Variants in WIPI1 observed in about 807,000 individuals in gnomAD.
WIPI1 encodes WD repeat domain, phosphoinositide interacting 1.
In WIPI1, 45 loss-of-function variants were observed where a neutral mutation model predicts 55.3. The ratio of observed to expected loss-of-function variants is 0.81; its 90% CI spans 0.64 to 1.04. The LOEUF (loss-of-function observed/expected upper bound fraction) is 1.04, where lower values mean the gene tolerates loss of function less well. Among genes scored for constraint, WIPI1 ranks in the 50% least tolerant of loss-of-function variants. The pLI, the probability that WIPI1 is intolerant of heterozygous loss-of-function variation, is 0.00. For missense variants in WIPI1, 445 were observed against 559.0 expected, an observed-to-expected ratio of 0.80 and a Z score of 2.06; for synonymous variants, 195 against 217.6, an observed-to-expected ratio of 0.90 and a Z score of 0.92.
intron 5 of WIPI1, 135 bp from the exon 6 acceptor site, chr17:68,435,847 T>C: frequency 1.3e-6 from 1 of 766,438 alleles, no homozygotes; most frequent in South Asian, 1.7e-5. Flanking sequence ...CCCCAGGCCA[T>C]CTGCATGTAA....
At position 68,434,564 on chromosome 17, in the gene WIPI1, C is replaced by T; in HGVS notation, c.684G>A (p.Gly228=). Reference sequence around the variant, plus strand: ...TGACATTGAACACAGACCTTTTCATCCCTCTCCGGAACTCATAGAGCTTTT... The same window carrying T: ...TGACATTGAACACAGACCTTTTCATTCCTCTCCGGAACTCATAGAGCTTTT... ...DGQKLYEFRR[G]MKRYVTISSL... The change falls in exon 7 of 13, where the codon GGG becomes GGA. Residue 228 remains glycine, a synonymous_variant. Transcript: ENST00000262139. 6.2e-7 allele frequency: 1 copy of T among 1,613,928 alleles called. No individual in the cohort carries two copies. Among genetic ancestry groups the T allele is most frequent in the Non-Finnish European group, 8.5e-7 (1 of 1,179,862 alleles).
chr17:68,428,573 G>C, intron 10 of WIPI1: 1 of 403,262 alleles, frequency 2.5e-6, no homozygotes, highest in East Asian at 5.2e-5. Context: ...GCTCAGGGCT[G>C]TGTTAGGAGC....
At chr17:68,442,989 AC>A (rs913232458) in intron 4 of WIPI1, among the ~76,000 whole-genome samples, 3 of 152,226 alleles carry the variant, frequency 2.0e-5, no homozygotes, top group African/African-American at 4.8e-5. Flanking sequence ...GGAAAAACTT[AC>A]CACCCACAGC....
chr17:68,435,980 A>C (rs558574434), intron 5 of WIPI1, among the ~76,000 whole-genome samples: 1 of 152,352 alleles, frequency 6.6e-6, no homozygotes, highest in South Asian at 2.1e-4. Context: ...ATGCCGTCGC[A>C]GGCGCGCCCT....
chr17:68,423,507 G>A lies in WIPI1; in HGVS notation c.1294-1687C>T, dbSNP rs930682492. Among the ~76,000 whole-genome samples, 1 of 152,210 alleles carries A rather than the reference G, an allele frequency of 6.6e-6. No homozygotes were observed. Among genetic ancestry groups the A allele is most frequent in the African/African-American group, 2.4e-5 (1 of 41,452 alleles). On this transcript the variant is annotated intron_variant, in intron 12 of 12. Coordinates refer to ENST00000262139, the MANE Select transcript of WIPI1 (RefSeq NM_017983.7). The surrounding 1 kb of genome is among the most constrained non-coding windows in gnomAD (Gnocchi z 4.4). Reference sequence around the variant, plus strand: ...CAGGGGCTGCTTGACACTCACAAGGGTCTAACACCTGTTCTAGGGACCTTG... The same window carrying A: ...CAGGGGCTGCTTGACACTCACAAGGATCTAACACCTGTTCTAGGGACCTTG...
chr17:68,421,587 T>G lies in WIPI1; in HGVS notation c.*186A>C. 1.4e-6 allele frequency: 1 copy of G among 722,860 alleles called. No individual in the cohort carries two copies. Among genetic ancestry groups the G allele is most frequent in the Non-Finnish European group, 2.4e-6 (1 of 421,376 alleles). 44.8% of individuals were successfully genotyped at this position (722,860 alleles called of 1,614,324 possible). A position where few individuals can be genotyped will look rare whatever the true frequency, so the allele number is the denominator to read the frequency against. On this transcript the variant is annotated 3_prime_UTR_variant, in exon 13 of 13. Coordinates refer to ENST00000262139, the MANE Select transcript of WIPI1 (RefSeq NM_017983.7). ...GTGTATACAATGTCTCCCGCGCCCATTGGCAACCAGGGTCGTGGGAAGCTT... is the reference window on the plus strand; with the variant it reads ...GTGTATACAATGTCTCCCGCGCCCAGTGGCAACCAGGGTCGTGGGAAGCTT...
intron 8 of WIPI1, 44 bp from the exon 9 acceptor site, chr17:68,430,204 C>G: frequency 1.3e-6 from 2 of 1,557,450 alleles, no homozygotes; most frequent in Non-Finnish European, 1.7e-6. Flanking sequence ...GGCTGCAGGC[C>G]CCACACGCAC....
At chr17:68,440,238 A>G (rs1004738089) in intron 4 of WIPI1, among the ~76,000 whole-genome samples, 1 of 152,204 alleles carries the variant, frequency 6.6e-6, no homozygotes, top group African/African-American at 2.4e-5. Flanking sequence ...GGTCCCCAGA[A>G]AAGCCTACTG....
intron 3 of WIPI1, among the ~76,000 whole-genome samples, chr17:68,449,818 G>A (rs1372838671): frequency 6.6e-6 from 1 of 152,156 alleles, no homozygotes; most frequent in Non-Finnish European, 1.5e-5. Flanking sequence ...AGTAATGTGA[G>A]AATAGACGAA....
chr17:68,424,298 C>T (rs8080370), intron 12 of WIPI1, among the ~76,000 whole-genome samples: 1,726 of 152,294 alleles, frequency 0.011, 36 homozygotes, highest in African/African-American at 0.04. Flanking sequence ...TGCGACCGAC[C>T]CGCAGAGCCG....
At chr17:68,427,005 AAGGGGGAAGGGGAGGGAGGG>A in intron 11 of WIPI1, 110 bp downstream of exon 11, 1 of 731,838 alleles carries the variant, frequency 1.4e-6, no homozygotes, top group East Asian at 2.5e-5. Flanking sequence ...GGTAACAGTG[AAGGGGGAAGGGGAGGGAGGG>A]CACTCCACCC....
At chr17:68,427,417 C>A (rs773084474) in intron 10 of WIPI1, 164 bp from the exon 11 acceptor site, 1 of 495,140 alleles carries the variant, frequency 2.0e-6, no homozygotes, top group Non-Finnish European at 3.6e-6. Flanking sequence ...AGTGCAGTGG[C>A]GCAATCTCGG....
chr17:68,437,016 A>ATGTGTGTGTGTGTGTGTGTGTGTG lies in WIPI1; in HGVS notation c.431-538_431-537insCACACACACACACACACACACACA, dbSNP rs71142180. Among the ~76,000 whole-genome samples the ATGTGTGTGTGTGTGTGTGTGTGTG allele has an allele frequency of 6.0e-4, 87 of 144,660 alleles. 1 individual carries two copies. Among genetic ancestry groups the ATGTGTGTGTGTGTGTGTGTGTGTG allele is most frequent in the East Asian group, 5.0e-3 (25 of 4,976 alleles). The allele number at this position is 144,660 out of a possible 152,430, so 94.9% of individuals were successfully genotyped here. On this transcript the variant is annotated intron_variant, in intron 4 of 12. Transcript: ENST00000262139. The stretch of plus-strand genomic sequence containing the variant: ...CTCAAAAAAAAAAAAATATATATAT[A>ATGTGTGTGTGTGTGTGTGTGTGTG]TGTGTGTGTGTGTGTGTGTGTATAT...
chr17:68,447,493 T>C (rs2084328474), intron 3 of WIPI1, among the ~76,000 whole-genome samples: 1 of 152,168 alleles, frequency 6.6e-6, no homozygotes, highest in Non-Finnish European at 1.5e-5. Flanking sequence ...ACGATCCTCC[T>C]GCCTCAGCCT....
intron 4 of WIPI1, among the ~76,000 whole-genome samples, chr17:68,439,965 AGTCTTATGT>A (rs2084008573): frequency 6.6e-6 from 1 of 152,226 alleles, no homozygotes; most frequent in Non-Finnish European, 1.5e-5. Context: ...TGTGCTTCAG[AGTCTTATGT>A]TAAAACATAA....
intron 3 of WIPI1, among the ~76,000 whole-genome samples, chr17:68,450,493 C>G (rs1212080747): frequency 6.6e-6 from 1 of 152,216 alleles, no homozygotes; most frequent in African/African-American, 2.4e-5. Flanking sequence ...TGCAGCCTAC[C>G]AGTCAGGGAC....
In WIPI1 at chr17:68,433,546, C is replaced by G. The variant is rs757384944; in HGVS notation, c.722G>C (p.Ser241Thr). Residue 241 changes from serine to threonine, a missense_variant, in exon 8 of 13, where the codon AGT becomes ACT. Transcript: ENST00000262139. ...GGCGCAGAGGAATTGTGAATCCATA[C>G]TGAACACTAGAGAGCTGATTGTCAC... Reference protein sequence around the residue: ...RYVTISSLVFSMDSQFLCASS... With the variant: ...RYVTISSLVFTMDSQFLCASS... 6.2e-7 allele frequency: 1 copy of G among 1,613,952 alleles called. No homozygotes were observed. Among genetic ancestry groups the G allele is most frequent in the Non-Finnish European group, 8.5e-7 (1 of 1,180,028 alleles).
In WIPI1 at chr17:68,423,303, G is replaced by A. The variant is rs1173082870; in HGVS notation, c.1294-1483C>T. Among the ~76,000 whole-genome samples, 4 of 152,190 alleles carry A rather than the reference G, an allele frequency of 2.6e-5. No homozygotes were observed. The East Asian group carries it at 7.7e-4, about 29-fold the overall frequency. The stretch of plus-strand genomic sequence containing the variant: ...GCCAATTCAGGCATGACTGAGATGG[G>A]CCATATTGATAGAGCATCCCAGGAG... On this transcript the variant is annotated intron_variant, in intron 12 of 12. Transcript: ENST00000262139. This position sits in a 1 kb window ranked among gnomAD's most constrained non-coding sequence, Gnocchi z 4.4.
chr17:68,444,395 C>T (rs560965201), intron 4 of WIPI1, 98 bp downstream of exon 4: 62 of 1,099,510 alleles, frequency 5.6e-5, no homozygotes, highest in Non-Finnish European at 8.0e-5. Flanking sequence ...AAAAAGCAAA[C>T]ACTGCTTCAC....
Sources: allele counts gnomAD v4.1 joint callset (sites outside exome capture counted in the v4.1 genomes callset), GRCh38; gene constraint gnomAD v4.1.1; non-coding constraint Gnocchi (gnomAD v3.1); transcripts MANE v1.5; gene names NCBI Gene and HGNC (gene_info 2026-07-23, HGNC 2026-07-21).